Variants in CHM observed in about 807,000 individuals in gnomAD.
CHM encodes rab proteins geranylgeranyltransferase component A 1.
A neutral mutation model predicts 49.0 loss-of-function variants in CHM; 10 were observed. The ratio of observed to expected loss-of-function variants is 0.20; its 90% CI spans 0.13 to 0.35. The LOEUF (loss-of-function observed/expected upper bound fraction) is 0.35. Among genes scored for constraint, CHM ranks in the 10% least tolerant of loss-of-function variants. The pLI is 1.00. For synonymous variants in CHM, 184 were observed against 167.5 expected (o/e 1.10, Z -0.76); for missense variants, 455 against 478.4 (o/e 0.95, Z 0.46).
chrX:86,047,431 G>A, intron 1 of CHM, 53 bp downstream of exon 1: 1 of 1,125,885 alleles, frequency 8.9e-7, no homozygotes, highest in Non-Finnish European at 1.2e-6. Context: ...AGAAAAAACA[G>A]AAACAAGACA....
intron 4 of CHM, among the ~76,000 whole-genome samples, chrX:85,972,456 C>T (rs896749512): frequency 8.8e-6 from 1 of 113,013 alleles, no homozygotes; most frequent in Admixed American, 9.2e-5. Flanking sequence ...CCCACGGTGG[C>T]GGGGGAAGGC....
chrX:86,015,798 G>C (rs1933274290), intron 2 of CHM, among the ~76,000 whole-genome samples: 1 of 112,117 alleles, frequency 8.9e-6, no homozygotes, highest in South Asian at 3.7e-4. Context: ...CATGATTTAG[G>C]GTATCTGGAA....
chrX:85,918,145 C>A (rs1420624290), intron 8 of CHM, among the ~76,000 whole-genome samples: 1 of 110,867 alleles, frequency 9.0e-6, no homozygotes, highest in African/African-American at 3.3e-5. Flanking sequence ...AAGAAAAAGT[C>A]TTGAGAGCTG....
chrX:85,899,101 A>G (rs184316135), intron 11 of CHM, among the ~76,000 whole-genome samples: 1 of 112,291 alleles, frequency 8.9e-6, no homozygotes, highest in Non-Finnish European at 1.9e-5. Context: ...TACTTTTAGC[A>G]GTGGCATACA....
In CHM at chrX:85,959,175, C is replaced by T. The variant is rs372476165; in HGVS notation, c.703-198G>A. ...TCAAAATTCAAAAAACTTTGCAATCCATAAGTTTTTACAAAACATGTTTAG... is the reference window on the plus strand; with the variant it reads ...TCAAAATTCAAAAAACTTTGCAATCTATAAGTTTTTACAAAACATGTTTAG... On this transcript the variant is annotated intron_variant, in intron 5 of 14. Coordinates refer to ENST00000357749, the MANE Select transcript of CHM (RefSeq NM_000390.4). 9.9e-5 allele frequency among the ~76,000 whole-genome samples: 11 copies of T among 111,301 alleles called. No individual in the cohort carries two copies. In the East Asian group the frequency reaches 2.3e-3, roughly 23 times the overall value.
intron 9 of CHM, among the ~76,000 whole-genome samples, chrX:85,902,741 C>G (rs991885699): frequency 1.8e-5 from 2 of 111,718 alleles, no homozygotes; most frequent in African/African-American, 6.5e-5. Context: ...TTAAAACACT[C>G]ATATACCATT....
intron 8 of CHM, among the ~76,000 whole-genome samples, chrX:85,953,825 G>GA (rs1929874134): frequency 8.9e-6 from 1 of 111,928 alleles, no homozygotes; most frequent in Non-Finnish European, 1.9e-5. Flanking sequence ...ACTACTACAA[G>GA]AAAACATCGG....
At chrX:85,895,140 T>G (rs1407949326) in intron 11 of CHM, among the ~76,000 whole-genome samples, 1 of 99,175 alleles carries the variant, frequency 1.0e-5, no homozygotes. Flanking sequence ...TTTTTTGTTT[T>G]TTTTTTTTTT....
At chrX:85,981,909 C>T in intron 2 of CHM, 100 bp from the exon 3 acceptor site, 1 of 671,729 alleles carries the variant, frequency 1.5e-6, no homozygotes, top group Non-Finnish European at 2.2e-6. Context: ...AAACTTACTT[C>T]ACTTTTTAAT....
chrX:86,029,563 G>A (rs1373427735), intron 1 of CHM, among the ~76,000 whole-genome samples: 1 of 111,457 alleles, frequency 9.0e-6, no homozygotes, highest in African/African-American at 3.3e-5. Flanking sequence ...ATCCTAGGAG[G>A]CAGGCAGTAT....
intron 8 of CHM, among the ~76,000 whole-genome samples, chrX:85,933,301 C>T (rs1018556152): frequency 8.9e-6 from 1 of 112,278 alleles, no homozygotes. Context: ...ATTATTTTAA[C>T]TAACAATGGC....
At chrX:85,988,181 C>T (rs1181748656) in intron 2 of CHM, among the ~76,000 whole-genome samples, 5 of 111,952 alleles carry the variant, frequency 4.5e-5, no homozygotes, top group African/African-American at 9.7e-5. Flanking sequence ...GCTTCATCCC[C>T]GGGATGCAAG....
chrX:85,927,521 A>G (rs1928164348), intron 8 of CHM, among the ~76,000 whole-genome samples: 2 of 112,410 alleles, frequency 1.8e-5, no homozygotes, highest in Non-Finnish European at 3.8e-5. Flanking sequence ...TGCCACTTCA[A>G]TTACTTGTTT....
intron 2 of CHM, among the ~76,000 whole-genome samples, chrX:86,026,013 T>A (rs1198048101): frequency 1.8e-5 from 2 of 109,405 alleles, no homozygotes; most frequent in Admixed American, 2.0e-4. Flanking sequence ...CTTTTAATTT[T>A]AGGTTAAATA....
At position 86,002,231 on chromosome X, in the gene CHM, G is replaced by C. The variant is rs73630490; in HGVS notation, c.117-20422C>G. Among the ~76,000 whole-genome samples, 773 of 111,859 alleles carry C rather than the reference G, an allele frequency of 6.9e-3. 5 individuals carry two copies. The highest frequency in any genetic ancestry group is 0.023 in the African/African-American group (698 of 30,843). On this transcript the variant is annotated intron_variant, in intron 2 of 14. Transcript: ENST00000357749. ...AAACCTGTGACCCGTTTTAGACTGT[G>C]CTAACAAAGAAAACCCTAGGGGGTG...
chrX:85,956,597 G>A (rs1930020507), intron 7 of CHM, among the ~76,000 whole-genome samples: 1 of 110,766 alleles, frequency 9.0e-6, no homozygotes, highest in Non-Finnish European at 1.9e-5. Flanking sequence ...GATGAATTAT[G>A]ATTGAGCATT....
rs1174628572 is a variant in CHM at position 85,969,272 on chromosome X, G to C, written c.315-5220C>G. 7 of 724,408 alleles carry C rather than the reference G, an allele frequency of 9.7e-6. No homozygotes were observed. The African/African-American group carries it at 1.4e-4, about 15-fold the overall frequency. The allele number at this position is 724,408 out of a possible 1,213,427, so 59.7% of individuals were successfully genotyped here. ...AAAGCTATTGTTAATATTTTAGAAA[G>C]ATAAAATCTCTTCTCACTAAAGAAA... is the stretch of plus-strand genomic sequence containing the variant. On this transcript the variant is annotated intron_variant, in intron 4 of 14. Coordinates refer to ENST00000357749, the MANE Select transcript of CHM (RefSeq NM_000390.4).
chrX:85,971,220 C>G, intron 4 of CHM: 1 of 755,079 alleles, frequency 1.3e-6, no homozygotes, highest in Non-Finnish European at 1.6e-6. Flanking sequence ...GCCTAGTCCT[C>G]CTTGCAATCA....
chrX:85,978,614 G>T (rs1261382030), intron 4 of CHM, 153 bp downstream of exon 4: 1 of 453,413 alleles, frequency 2.2e-6, no homozygotes, highest in Non-Finnish European at 3.6e-6. Flanking sequence ...CCTAAACAGA[G>T]ACAACTGAAA....
Sources: allele counts gnomAD v4.1 joint callset (sites outside exome capture counted in the v4.1 genomes callset), GRCh38; gene constraint gnomAD v4.1.1; transcripts MANE v1.5; gene names NCBI Gene and HGNC (gene_info 2026-07-23, HGNC 2026-07-21).